The following MLXIP variants were observed in gnomAD, a reference collection of about 807,000 sequenced individuals.
The protein encoded by MLXIP is MLX interacting protein, also known as MLX-interacting protein.
In MLXIP, 30 loss-of-function variants were observed where a neutral mutation model predicts 87.2. The observed-to-expected ratio is 0.34, with a 90% CI of 0.26 to 0.47. The LOEUF (loss-of-function observed/expected upper bound fraction) is 0.47. Ranked by LOEUF, MLXIP falls within the 20% of genes least tolerant of loss-of-function variation. MLXIP has a pLI of 1.00. For synonymous variants in MLXIP, 530 were observed against 514.0 expected (o/e 1.03, Z -0.42); for missense variants, 1,002 against 1,240.1 (o/e 0.81, Z 2.88).
At chr12:122,118,860 A>C (rs1593093427) in intron 1 of MLXIP, among the ~76,000 whole-genome samples, 1 of 144,922 alleles carries the variant, frequency 6.9e-6, no homozygotes, top group Non-Finnish European at 1.5e-5. Context: ...AAAAAAAAAT[A>C]GATAATAAAA....
At chr12:122,115,143 C>A (rs968327702) in intron 1 of MLXIP, among the ~76,000 whole-genome samples, 1 of 152,100 alleles carries the variant, frequency 6.6e-6, no homozygotes, top group Middle Eastern at 3.2e-3. Flanking sequence ...TTGTTCTTTG[C>A]ACTTTTCCTT....
chr12:122,084,144 TTGTG>T (rs746678463), intron 1 of MLXIP, among the ~76,000 whole-genome samples: 32,264 of 137,890 alleles, frequency 0.23, 3,943 homozygotes, highest in Non-Finnish European at 0.29. Context: ...CTCAGCCAGA[TTGTG>T]TGTGTGTGTG....
Position 122,142,849 on chromosome 12 carries a change from T to C in MLXIP, c.*1037T>C, listed in dbSNP as rs1051532958. 1 of 158,402 alleles carries C rather than the reference T, an allele frequency of 6.3e-6. No homozygotes were observed. The highest frequency in any genetic ancestry group is 2.4e-5 in the African/African-American group (1 of 41,506). The allele number at this position is 158,402 out of a possible 1,614,324, so 9.8% of individuals were successfully genotyped here. ...GTCTTGTGTTTGGAGAAGGAAACAA[T>C]GTTGGCAGGCAGCACTCTGTGGTGG... On this transcript the variant is annotated 3_prime_UTR_variant, in exon 17 of 17. Transcript: ENST00000319080.
At position 122,135,107 on chromosome 12, in the gene MLXIP, C is replaced by T. The variant is rs1436031267; in HGVS notation, c.1733-117C>T. ...GTTTTAGGTGCCTTGGTGGCTTTGT[C>T]TTCCTGTCCCCTGGGGTTGAGAACA... On this transcript the variant is annotated intron_variant, in intron 9 of 16. Transcript: ENST00000319080. The surrounding 1 kb of genome is among the most constrained non-coding windows in gnomAD (Gnocchi z 5.3). 5 of 1,344,536 alleles carry T rather than the reference C, an allele frequency of 3.7e-6. No homozygotes were observed. Among genetic ancestry groups the T allele is most frequent in the Non-Finnish European group, 5.2e-6 (5 of 964,196 alleles). The allele number at this position is 1,344,536 out of a possible 1,614,324, so 83.3% of individuals were successfully genotyped here. A position where few individuals can be genotyped will look rare whatever the true frequency, so the allele number is the denominator to read the frequency against.
Position 122,130,118 on chromosome 12 carries a change from C to T in MLXIP, c.910+6C>T, listed in dbSNP as rs773468587. ...GCCCAATCCCCGGGAAATAGGTAACCCAAACCAGGGCCTTGGGCTTTGAAC... is the reference window on the plus strand; with the variant it reads ...GCCCAATCCCCGGGAAATAGGTAACTCAAACCAGGGCCTTGGGCTTTGAAC... On this transcript the variant is annotated splice_donor_region_variant and intron_variant, in intron 6 of 16. Transcript: ENST00000319080. 3 of 1,611,744 alleles carry T rather than the reference C, an allele frequency of 1.9e-6. No individual in the cohort carries two copies. The highest frequency in any genetic ancestry group is 1.1e-5 in the South Asian group (1 of 90,608).
At chr12:122,138,791 C>T in intron 14 of MLXIP, 24 bp from the exon 15 acceptor site, 2 of 1,610,290 alleles carry the variant, frequency 1.2e-6, no homozygotes, top group Non-Finnish European at 1.7e-6. Flanking sequence ...TGCTCCACAG[C>T]TCCCACGGCT....
In MLXIP at chr12:122,146,868, T is replaced by C. The variant is rs1482517260; in HGVS notation, c.*5056T>C. 6.6e-6 allele frequency: 1 copy of C among 152,150 alleles called. No homozygotes were observed. Among genetic ancestry groups the C allele is most frequent in the Non-Finnish European group, 1.5e-5 (1 of 68,040 alleles). The allele number at this position is 152,150 out of a possible 1,614,324, so 9.4% of individuals were successfully genotyped here. ...GAAACTGAAGTTCTATACATTTCCA[T>C]AGAGTTTACATCCTGCAGTTAAAAG... On this transcript the variant is annotated 3_prime_UTR_variant, in exon 17 of 17. Coordinates refer to ENST00000319080, the MANE Select transcript of MLXIP (RefSeq NM_014938.6).
chr12:122,114,087 A>T (rs1417055725), intron 1 of MLXIP, among the ~76,000 whole-genome samples: 3 of 150,462 alleles, frequency 2.0e-5, no homozygotes, highest in African/African-American at 7.4e-5. Flanking sequence ...TCCCAGGTTC[A>T]AGTGATTCTC....
chr12:122,134,057 C>T (rs758548024), intron 9 of MLXIP, 70 bp downstream of exon 9: 2 of 1,479,520 alleles, frequency 1.4e-6, no homozygotes, highest in Non-Finnish European at 1.8e-6. Context: ...ATCCCAAAGG[C>T]TTTCAAACTT....
At position 122,078,821 on chromosome 12, in the gene MLXIP, G is replaced by C. The variant is rs1952047557; in HGVS notation, c.-33G>C. On this transcript the variant is annotated 5_prime_UTR_variant, in exon 1 of 17. Transcript: ENST00000319080. ...TCGCGCGCTTGTCGCGTTGCCCCGG[G>C]CTCCGGGGGATGCCCCCGGCCGAGC... 9.6e-7 allele frequency: 1 copy of C among 1,045,712 alleles called. No individual in the cohort carries two copies. The allele number at this position is 1,045,712 out of a possible 1,614,324, so 64.8% of individuals were successfully genotyped here.
chr12:122,083,031 G>A (rs1234553680), intron 1 of MLXIP, among the ~76,000 whole-genome samples: 2 of 152,152 alleles, frequency 1.3e-5, no homozygotes, highest in Non-Finnish European at 2.9e-5. Flanking sequence ...TGCTTCTCAG[G>A]ATGGTCTTGA....
rs749567450 is a variant in MLXIP at position 122,133,171 on chromosome 12, G to A, written c.1093-177G>A. 10 of 630,384 alleles carry A rather than the reference G, an allele frequency of 1.6e-5. No individual in the cohort carries two copies. The highest frequency in any genetic ancestry group is 3.0e-5 in the South Asian group (1 of 33,594). 39.0% of individuals were successfully genotyped at this position (630,384 alleles called of 1,614,324 possible). ...AGTTTTTAATGGAAACAAGACCCCC[G>A]CAGACACGCAGGGAAACACAAATCC... On this transcript the variant is annotated intron_variant, in intron 8 of 16. Transcript: ENST00000319080. This position sits in a 1 kb window ranked among gnomAD's most constrained non-coding sequence, Gnocchi z 4.9.
chr12:122,103,199 GTATTTATTTATT>G (rs754355713), intron 1 of MLXIP, among the ~76,000 whole-genome samples: 4,939 of 93,662 alleles, frequency 0.053, 195 homozygotes, highest in African/African-American at 0.13. Context: ...ATGTATGTAT[GTATTTATTTATT>G]TATTTATTTA....
At chr12:122,098,687 A>G (rs1023158336) in intron 1 of MLXIP, among the ~76,000 whole-genome samples, 15 of 152,296 alleles carry the variant, frequency 9.8e-5, no homozygotes, top group Admixed American at 5.9e-4. Context: ...GAGGGTAGAA[A>G]TTAGGAGGGA....
rs555344729 is a variant in MLXIP, at chr12:122,114,554, G to A, written c.414-12702G>A. Among the ~76,000 whole-genome samples the A allele has an allele frequency of 2.1e-3, 318 of 152,206 alleles. 1 individual carries two copies. Among genetic ancestry groups the A allele is most frequent in the African/African-American group, 7.2e-3 (300 of 41,514 alleles). On this transcript the variant is annotated intron_variant, in intron 1 of 16. Coordinates refer to ENST00000319080, the MANE Select transcript of MLXIP (RefSeq NM_014938.6). ...TAGTTAGCCTTTCCTCTGGAGGTTGGAACTGATACCCTGTGCTCCAGGCCC... is the reference window on the plus strand; with the variant it reads ...TAGTTAGCCTTTCCTCTGGAGGTTGAAACTGATACCCTGTGCTCCAGGCCC...
Position 122,133,237 on chromosome 12 carries a change from G to T in MLXIP, c.1093-111G>T, listed in dbSNP as rs1953011950. On this transcript the variant is annotated intron_variant, in intron 8 of 16. Transcript: ENST00000319080. The surrounding 1 kb of genome is among the most constrained non-coding windows in gnomAD (Gnocchi z 4.9). ...CCATGGACGTGGAGACGTGGCCTTT[G>T]TCCCTCTGTCCCAGCGCCCGGCCTG... The T allele has an allele frequency of 7.8e-7, 1 of 1,280,506 alleles. No homozygotes were observed. 79.3% of individuals were successfully genotyped at this position (1,280,506 alleles called of 1,614,324 possible).
Position 122,127,290 on chromosome 12 carries a change from A to G in MLXIP, c.448A>G (p.Lys150Glu). The change falls in exon 2 of 17, where the codon AAG becomes GAG. Residue 150 changes from lysine (K) to glutamate (E), a missense_variant. Lys to Glu is a moderately conservative substitution (Grantham distance 56). Transcript: ENST00000319080. ...KLVSPKWKNF[K>E]GLKLQWRDKI... Reference sequence around the variant, plus strand: ...GGTGTCTCCAAAGTGGAAGAATTTCAAGGGCCTGAAGCTACAGTGGAGAGA... The same window carrying G: ...GGTGTCTCCAAAGTGGAAGAATTTCGAGGGCCTGAAGCTACAGTGGAGAGA... 6.2e-7 allele frequency: 1 copy of G among 1,613,878 alleles called. No individual in the cohort carries two copies. The highest frequency in any genetic ancestry group is 1.1e-5 in the South Asian group (1 of 91,026).
At position 122,079,156 on chromosome 12, in the gene MLXIP, G is replaced by C. The variant is rs1197074389; in HGVS notation, c.303G>C (p.Thr101=). Residue 101 remains threonine, a synonymous_variant, in exon 1 of 17, where the codon ACG becomes ACC. Transcript: ENST00000319080. ...HPPKKGYDFD[T]VNKQTCQTYS... is the part of the protein sequence containing the mutation. ...CCAAGAAGGGCTACGATTTCGACAC[G>C]GTCAACAAACAGACGTGCCAGACCT... 6.4e-7 allele frequency: 1 copy of C among 1,550,670 alleles called. No individual in the cohort carries two copies. Among genetic ancestry groups the C allele is most frequent in the Non-Finnish European group, 8.7e-7 (1 of 1,146,710 alleles).
intron 1 of MLXIP, among the ~76,000 whole-genome samples, chr12:122,106,662 C>T (rs1395034340): frequency 7.6e-6 from 1 of 131,952 alleles, no homozygotes; most frequent in Non-Finnish European, 1.5e-5. Flanking sequence ...AGTGCAGTGG[C>T]GCGATCTCGG....
Sources: gnomAD v4.1 joint callset for allele counts (sites outside exome capture counted in the v4.1 genomes callset) on GRCh38, gnomAD v4.1.1 for gene constraint, Gnocchi (gnomAD v3.1) non-coding constraint, MANE v1.5 for transcripts, NCBI Gene and HGNC (gene_info 2026-07-23, HGNC 2026-07-21) for gene names.